The following KIF2A variants were observed in gnomAD, a reference collection of about 807,000 sequenced individuals.
The protein encoded by KIF2A is kinesin-like protein KIF2A.
In KIF2A, 22 loss-of-function variants were observed where a neutral mutation model predicts 100.2. The ratio of observed to expected loss-of-function variants is 0.22; its 90% CI spans 0.16 to 0.31. The LOEUF is 0.31. Ranked by LOEUF, KIF2A falls within the 10% of genes least tolerant of loss-of-function variation. The pLI, the probability that KIF2A is intolerant of heterozygous loss-of-function variation, is 1.00. For missense variants in KIF2A, 495 were observed against 898.7 expected, an observed-to-expected ratio of 0.55 and a Z score of 5.74; for synonymous variants, 268 against 285.9, an observed-to-expected ratio of 0.94 and a Z score of 0.63.
intron 9 of KIF2A, among the ~76,000 whole-genome samples, chr5:62,359,315 A>G (rs1195995548): frequency 6.6e-6 from 1 of 152,136 alleles, no homozygotes; most frequent in African/African-American, 2.4e-5. Context: ...CTTGAATACT[A>G]TATCTGATTG....
intron 12 of KIF2A, among the ~76,000 whole-genome samples, 164 bp downstream of exon 12, chr5:62,362,705 A>G (rs1748469440): frequency 6.6e-6 from 1 of 152,180 alleles, no homozygotes; most frequent in Admixed American, 6.5e-5. Flanking sequence ...ATTAGAATTT[A>G]TGTTATGAGA....
chr5:62,326,578 G>A (rs1420904017), intron 1 of KIF2A, among the ~76,000 whole-genome samples: 1 of 151,806 alleles, frequency 6.6e-6, no homozygotes, highest in African/African-American at 2.4e-5. Context: ...TCTGGATCTT[G>A]TCTCCTTTCA....
intron 19 of KIF2A, 115 bp from the exon 20 acceptor site, chr5:62,381,003 A>G (rs1269010843): frequency 1.2e-5 from 9 of 755,052 alleles, no homozygotes; most frequent in African/African-American, 3.6e-5. Context: ...TTTTATGTCT[A>G]TTGACATTTT....
At position 62,357,754 on chromosome 5, in the gene KIF2A, C is replaced by A; in HGVS notation, c.709+9C>A. The A allele has an allele frequency of 6.9e-7, 1 of 1,457,836 alleles. No homozygotes were observed. The highest frequency in any genetic ancestry group is 9.6e-7 in the Non-Finnish European group (1 of 1,042,766). The allele number at this position is 1,457,836 out of a possible 1,614,324, so 90.3% of individuals were successfully genotyped here. On this transcript the variant is annotated intron_variant, in intron 8 of 20. Coordinates refer to ENST00000407818, the MANE Select transcript of KIF2A (RefSeq NM_001098511.3). The stretch of plus-strand genomic sequence containing the variant: ...ACCACTCAATAAAAAAGGTATGGCA[C>A]TTAATGAGCTCTAATAAAAGATTGA...
At chr5:62,314,706 A>G (rs1340522617) in intron 1 of KIF2A, among the ~76,000 whole-genome samples, 1 of 151,744 alleles carries the variant, frequency 6.6e-6, no homozygotes, top group Non-Finnish European at 1.5e-5. Flanking sequence ...TCAGCAGGGA[A>G]CAAACTTGTG....
chr5:62,350,350 T>C (rs1008247809), intron 4 of KIF2A, among the ~76,000 whole-genome samples: 3 of 151,982 alleles, frequency 2.0e-5, no homozygotes, highest in African/African-American at 4.8e-5. Context: ...TGAACACAGC[T>C]CACTACAGCC....
At chr5:62,348,879 A>G (rs915127537) in intron 3 of KIF2A, among the ~76,000 whole-genome samples, 1 of 152,216 alleles carries the variant, frequency 6.6e-6, no homozygotes, top group African/African-American at 2.4e-5. Flanking sequence ...TGTGCCAAAT[A>G]CTATGCTGGA....
In KIF2A at chr5:62,387,366, A is replaced by G. The variant is rs900255977; in HGVS notation, c.*1797A>G. 1.3e-5 allele frequency: 2 copies of G among 152,228 alleles called. No individual in the cohort carries two copies. The highest frequency in any genetic ancestry group is 4.8e-5 in the African/African-American group (2 of 41,454). The allele number at this position is 152,228 out of a possible 1,614,324, so 9.4% of individuals were successfully genotyped here. A position where few individuals can be genotyped will look rare whatever the true frequency, so the allele number is the denominator to read the frequency against. ...TAGTTTTTGAGATTAACCAACTTTC[A>G]AAGGGCAATAAAGACATGTGAATTT... On this transcript the variant is annotated 3_prime_UTR_variant, in exon 21 of 21. Coordinates refer to ENST00000407818, the MANE Select transcript of KIF2A (RefSeq NM_001098511.3).
intron 7 of KIF2A, among the ~76,000 whole-genome samples, chr5:62,355,490 C>T (rs1748054557): frequency 6.6e-6 from 1 of 152,128 alleles, no homozygotes; most frequent in African/African-American, 2.4e-5. Flanking sequence ...AGCAAAACCT[C>T]CCTGTCTTTG....
intron 1 of KIF2A, among the ~76,000 whole-genome samples, chr5:62,330,758 GA>G (rs1433261054): frequency 6.6e-6 from 1 of 152,116 alleles, no homozygotes; most frequent in Non-Finnish European, 1.5e-5. Flanking sequence ...TATTCTGATT[GA>G]AAATGGAAGG....
chr5:62,357,696 T>G lies in KIF2A; in HGVS notation c.660T>G (p.Asp220Glu), dbSNP rs756657897. 6.5e-7 allele frequency: 1 copy of G among 1,528,912 alleles called. No homozygotes were observed. Among genetic ancestry groups the G allele is most frequent in the Non-Finnish European group, 9.0e-7 (1 of 1,111,752 alleles). The allele number at this position is 1,528,912 out of a possible 1,614,324, so 94.7% of individuals were successfully genotyped here. ...AAAATACTTTTTATTTCTAGATTGA[T>G]GAACATAGGATATGTGTGTGTGTAA... is the stretch of plus-strand genomic sequence containing the variant. ...YRPLTTADPI[D>E]EHRICVCVRK... The change falls in exon 8 of 21, where the codon GAT becomes GAG. Residue 220 changes from aspartate (D) to glutamate (E), a missense_variant. Physicochemically the swap from Asp to Glu is conservative, Grantham distance 45. Coordinates refer to ENST00000407818, the MANE Select transcript of KIF2A (RefSeq NM_001098511.3).
intron 18 of KIF2A, 53 bp downstream of exon 18, chr5:62,373,890 C>T: frequency 7.3e-7 from 1 of 1,362,034 alleles, no homozygotes; most frequent in East Asian, 2.3e-5. Flanking sequence ...TCATCAGTAG[C>T]AGAACTTAAC....
intron 6 of KIF2A, 143 bp downstream of exon 6, chr5:62,353,518 T>C (rs1157810969): frequency 6.2e-6 from 3 of 484,538 alleles, no homozygotes; most frequent in Admixed American, 4.0e-5. Context: ...TGAGGAATAA[T>C]ATAAACTCTT....
intron 15 of KIF2A, among the ~76,000 whole-genome samples, chr5:62,365,575 ATTTTCTTTTTCT>A (rs554808566): frequency 1.8e-4 from 27 of 150,822 alleles, no homozygotes; most frequent in African/African-American, 5.6e-4. Context: ...GTCTTTCTTG[ATTTTCTTTTTCT>A]TTTTCTTTTT....
intron 20 of KIF2A, among the ~76,000 whole-genome samples, chr5:62,381,492 T>C (rs899924770): frequency 1.3e-5 from 2 of 152,232 alleles, no homozygotes; most frequent in African/African-American, 4.8e-5. Flanking sequence ...AGAGAAAATG[T>C]ATTTTTAACA....
At chr5:62,334,508 CTCCTCCCCCTCT>C (rs368874482) in intron 1 of KIF2A, among the ~76,000 whole-genome samples, 59 of 142,090 alleles carry the variant, frequency 4.2e-4, no homozygotes, top group South Asian at 1.5e-3. Flanking sequence ...ACTTCTCCTC[CTCCTCCCCCTCT>C]TCCTCCCCCT....
At position 62,366,326 on chromosome 5, in the gene KIF2A, G is replaced by A. The variant is rs539343261; in HGVS notation, c.1579-88G>A. ...CTTTATTTTTAAATAACCATGGTAAGATTAGACCTAAATGAGCTGTATGTC... is the reference window on the plus strand; with the variant it reads ...CTTTATTTTTAAATAACCATGGTAAAATTAGACCTAAATGAGCTGTATGTC... On this transcript the variant is annotated intron_variant, in intron 15 of 20. Transcript: ENST00000407818. 9.2e-6 allele frequency: 7 copies of A among 763,862 alleles called. No individual in the cohort carries two copies. In the African/African-American group the frequency reaches 1.1e-4, roughly 11 times the overall value. 47.3% of individuals were successfully genotyped at this position (763,862 alleles called of 1,614,324 possible). A position where few individuals can be genotyped will look rare whatever the true frequency, so the allele number is the denominator to read the frequency against.
At chr5:62,337,256 C>T (rs1458836523) in intron 1 of KIF2A, among the ~76,000 whole-genome samples, 2 of 152,216 alleles carry the variant, frequency 1.3e-5, no homozygotes, top group Middle Eastern at 3.4e-3. Flanking sequence ...CATTGGGAGG[C>T]CAAGGTGGGC....
At position 62,389,825 on chromosome 5, in the gene KIF2A, T is replaced by C. The variant is rs912658043; in HGVS notation, c.*4256T>C. Among the ~76,000 whole-genome samples, 5 of 152,170 alleles carry C rather than the reference T, an allele frequency of 3.3e-5. No individual in the cohort carries two copies. The highest frequency in any genetic ancestry group is 1.2e-4 in the African/African-American group (5 of 41,430). ...ACTTAATAGATTCTAGTTAGTAAAC[T>C]GCACATGCCCAATAACTTTGAGGAA... On this transcript the variant is annotated 3_prime_UTR_variant, in exon 21 of 21. Coordinates refer to ENST00000407818, the MANE Select transcript of KIF2A (RefSeq NM_001098511.3).
Sources: allele counts gnomAD v4.1 joint callset (sites outside exome capture counted in the v4.1 genomes callset), GRCh38; gene constraint gnomAD v4.1.1; transcripts MANE v1.5; gene names NCBI Gene and HGNC (gene_info 2026-07-23, HGNC 2026-07-21).